GRIA3: variants seen among roughly 807,000 people sequenced by gnomAD.
GRIA3 encodes the protein glutamate receptor 3.
Under a neutral mutation model 63.0 loss-of-function variants are expected in GRIA3, and 3 were observed. The observed-to-expected ratio is 0.05, with a 90% CI of 0.02 to 0.12. The LOEUF is 0.12. Among genes scored for constraint, GRIA3 ranks in the 10% least tolerant of loss-of-function variants. The pLI is 1.00. For synonymous variants in GRIA3, 274 were observed against 257.9 expected, an observed-to-expected ratio of 1.06 and a Z score of -0.60; for missense variants, 347 against 700.9, an observed-to-expected ratio of 0.50 and a Z score of 5.70.
At chrX:123,464,187 G>C (rs1290725125) in intron 12 of GRIA3, among the ~76,000 whole-genome samples, 1 of 110,800 alleles carries the variant, frequency 9.0e-6, no homozygotes, top group Non-Finnish European at 1.9e-5. Flanking sequence ...CCGGGGGTGG[G>C]GGTGTGGATT....
chrX:123,227,760 C>A (rs2044255402), intron 2 of GRIA3, among the ~76,000 whole-genome samples: 1 of 112,271 alleles, frequency 8.9e-6, no homozygotes, highest in Non-Finnish European at 1.9e-5. Flanking sequence ...CTACTATTCT[C>A]TTGTCTTAGG....
chrX:123,285,399 A>G (rs1163589731), intron 3 of GRIA3, among the ~76,000 whole-genome samples: 1 of 109,919 alleles, frequency 9.1e-6, no homozygotes, highest in Non-Finnish European at 1.9e-5. Flanking sequence ...CACACATAAC[A>G]ATATTACCCT....
At chrX:123,225,128 C>G (rs1210987631) in intron 2 of GRIA3, among the ~76,000 whole-genome samples, 1 of 112,043 alleles carries the variant, frequency 8.9e-6, no homozygotes, top group East Asian at 2.8e-4. Flanking sequence ...ATTTTAGTAC[C>G]AGCTCTGGCA....
At chrX:123,238,175 C>T (rs2044311152) in intron 2 of GRIA3, among the ~76,000 whole-genome samples, 2 of 111,601 alleles carry the variant, frequency 1.8e-5, no homozygotes, top group African/African-American at 3.3e-5. Flanking sequence ...TGGGAAGATG[C>T]GTTCACCTTC....
chrX:123,308,951 C>T (rs1407666861), intron 3 of GRIA3, among the ~76,000 whole-genome samples: 3 of 112,359 alleles, frequency 2.7e-5, no homozygotes, highest in South Asian at 3.7e-4. Flanking sequence ...ATGCCTTTTG[C>T]GCTATTTACC....
chrX:123,410,770 C>T (rs2045500507), intron 10 of GRIA3, among the ~76,000 whole-genome samples: 1 of 111,659 alleles, frequency 9.0e-6, no homozygotes, highest in Non-Finnish European at 1.9e-5. Flanking sequence ...GCATTAAGGA[C>T]ACATGAAGTA....
chrX:123,208,318 G>C (rs1277080109), intron 2 of GRIA3, among the ~76,000 whole-genome samples: 1 of 112,165 alleles, frequency 8.9e-6, no homozygotes, highest in Admixed American at 9.4e-5. Context: ...CCCCAACTCT[G>C]TTTCTAACAA....
chrX:123,213,057 T>C (rs1928077509), intron 2 of GRIA3, among the ~76,000 whole-genome samples: 2 of 111,844 alleles, frequency 1.8e-5, no homozygotes, highest in African/African-American at 3.2e-5. Flanking sequence ...AACCCTATTG[T>C]GAACTGTGCA....
chrX:123,277,493 G>A (rs752596626), intron 3 of GRIA3, among the ~76,000 whole-genome samples: 11 of 111,152 alleles, frequency 9.9e-5, no homozygotes, highest in South Asian at 3.9e-4. Context: ...GTAAGGCCTC[G>A]TGATGTAGGA....
chrX:123,346,476 C>G (rs141274233), intron 4 of GRIA3, among the ~76,000 whole-genome samples: 5,037 of 111,845 alleles, frequency 0.045, 241 homozygotes, highest in African/African-American at 0.13. Context: ...GAGCAAGGCT[C>G]TTCTGAAATC....
intron 14 of GRIA3, among the ~76,000 whole-genome samples, chrX:123,481,328 CT>C (rs1285806779): frequency 8.9e-6 from 1 of 112,220 alleles, no homozygotes; most frequent in Admixed American, 9.5e-5. Flanking sequence ...ACTTGTCTAG[CT>C]GTCATTCATC....
chrX:123,270,271 T>C (rs2044512879), intron 3 of GRIA3, among the ~76,000 whole-genome samples: 1 of 112,361 alleles, frequency 8.9e-6, no homozygotes, highest in Admixed American at 9.4e-5. Context: ...CCCAGTCATT[T>C]GTGTGTATCA....
intron 3 of GRIA3, among the ~76,000 whole-genome samples, chrX:123,310,302 C>A (rs907209000): frequency 1.8e-5 from 2 of 112,776 alleles, no homozygotes; most frequent in African/African-American, 6.4e-5. Flanking sequence ...TCAGTCACTG[C>A]CATGTGGTTG....
intron 2 of GRIA3, among the ~76,000 whole-genome samples, chrX:123,187,005 T>C (rs1337101885): frequency 8.9e-6 from 1 of 112,566 alleles, no homozygotes; most frequent in Non-Finnish European, 1.9e-5. Flanking sequence ...TCATGTAAGC[T>C]TATTTCACTA....
intron 3 of GRIA3, among the ~76,000 whole-genome samples, chrX:123,262,098 A>T (rs936850133): frequency 1.8e-5 from 2 of 111,769 alleles, no homozygotes; most frequent in African/African-American, 3.3e-5. Flanking sequence ...TGGGGCAGGG[A>T]TGGACAGCGG....
intron 3 of GRIA3, among the ~76,000 whole-genome samples, chrX:123,305,593 T>G (rs895168110): frequency 9.8e-5 from 11 of 112,033 alleles, no homozygotes; most frequent in African/African-American, 3.2e-4. Context: ...TTAGCATTTA[T>G]TTTTCTGCAC....
At chrX:123,411,516 A>C (rs774311359) in intron 10 of GRIA3, among the ~76,000 whole-genome samples, 1 of 111,790 alleles carries the variant, frequency 8.9e-6, no homozygotes, top group African/African-American at 3.2e-5. Context: ...TCAGATTCTT[A>C]AGTGCATCAG....
intron 9 of GRIA3, among the ~76,000 whole-genome samples, chrX:123,404,192 A>C (rs969973617): frequency 2.1e-4 from 23 of 111,458 alleles, no homozygotes; most frequent in African/African-American, 7.5e-4. Context: ...GACTAGGCTG[A>C]AGTTTGCCTT....
At chrX:123,312,976 G>A (rs2044806079) in intron 3 of GRIA3, among the ~76,000 whole-genome samples, 1 of 111,157 alleles carries the variant, frequency 9.0e-6, no homozygotes, top group Non-Finnish European at 1.9e-5. Flanking sequence ...TCTCATATTT[G>A]AGAATTCTGA....
Sources: allele counts gnomAD v4.1 joint callset (sites outside exome capture counted in the v4.1 genomes callset), GRCh38; gene constraint gnomAD v4.1.1; transcripts MANE v1.5; gene names NCBI Gene and HGNC (gene_info 2026-07-23, HGNC 2026-07-21).